The following CHRNA3 variants were observed in gnomAD, a reference collection of about 807,000 sequenced individuals.
CHRNA3 encodes cholinergic receptor nicotinic alpha 3 subunit.
Under a neutral mutation model 41.9 loss-of-function variants are expected in CHRNA3, and 34 were observed. The ratio of observed to expected loss-of-function variants is 0.81; its 90% CI spans 0.62 to 1.08. The LOEUF is 1.08. CHRNA3 is among the 50% of genes least tolerant of loss of function. CHRNA3 has a pLI of 0.00. For synonymous variants in CHRNA3, 281 were observed against 265.2 expected, an observed-to-expected ratio of 1.06 and a Z score of -0.58; for missense variants, 542 against 638.3, an observed-to-expected ratio of 0.85 and a Z score of 1.63.
At chr15:78,616,989 A>G in intron 4 of CHRNA3, 35 bp downstream of exon 4, 1 of 1,485,372 alleles carries the variant, frequency 6.7e-7, no homozygotes, top group Non-Finnish European at 9.3e-7. Flanking sequence ...CCAGGCTGAC[A>G]GCCCTGAGAG....
At chr15:78,616,913 T>C (rs1003433075) in intron 4 of CHRNA3, 111 bp downstream of exon 4, 3 of 662,840 alleles carry the variant, frequency 4.5e-6, no homozygotes, top group African/African-American at 1.8e-5. Flanking sequence ...AACAAATGAA[T>C]GCAGCCTTCT....
At chr15:78,618,697 A>G (rs2053502708) in intron 2 of CHRNA3, 36 bp from the exon 3 acceptor site, 3 of 1,593,248 alleles carry the variant, frequency 1.9e-6, no homozygotes, top group Non-Finnish European at 2.6e-6. Context: ...GGAGAATTAC[A>G]AAACAAGACT....
intron 4 of CHRNA3, among the ~76,000 whole-genome samples, chr15:78,613,283 C>T (rs545950111): frequency 3.9e-4 from 60 of 152,126 alleles, no homozygotes; most frequent in Non-Finnish European, 5.0e-4. Flanking sequence ...ATGTTTATTG[C>T]GGCATTATTC....
chr15:78,596,079 A>G lies in CHRNA3; in HGVS notation c.*525T>C. ...TCATGGTATAATTTAGAAGTATGCAAGAGAAGTAGTTGAAGCTCTCTGAAA... is the reference window on the plus strand; with the variant it reads ...TCATGGTATAATTTAGAAGTATGCAGGAGAAGTAGTTGAAGCTCTCTGAAA... On this transcript the variant is annotated 3_prime_UTR_variant, in exon 6 of 6. Transcript: ENST00000326828. 1.0e-6 allele frequency: 1 copy of G among 984,932 alleles called. No individual in the cohort carries two copies. The highest frequency in any genetic ancestry group is 1.2e-6 in the Non-Finnish European group (1 of 829,444). 61.0% of individuals were successfully genotyped at this position (984,932 alleles called of 1,614,324 possible).
chr15:78,596,903 A>AG (rs1567071191), intron 5 of CHRNA3, among the ~76,000 whole-genome samples, 171 bp from the exon 6 acceptor site: 1 of 152,188 alleles, frequency 6.6e-6, no homozygotes, highest in African/African-American at 2.4e-5. Flanking sequence ...ACCATTCTCA[A>AG]GTTTCTGTTT....
chr15:78,615,119 G>A (rs1461513970), intron 4 of CHRNA3, among the ~76,000 whole-genome samples: 14 of 152,140 alleles, frequency 9.2e-5, no homozygotes, highest in Non-Finnish European at 1.5e-4. Context: ...TCTCAACTAC[G>A]ACCTGGATGC....
rs780385627 is a variant in CHRNA3, at chr15:78,602,061, G to C, written c.581C>G (p.Ser194Cys). The change falls in exon 5 of 6, where the codon TCT becomes TGT. Residue 194 changes from serine (S) to cysteine (C), a missense_variant. Ser to Cys is a moderately radical substitution (Grantham distance 112, BLOSUM62 -1). Transcript: ENST00000326828. ...CCAATAGTCCTTGAGGTTCATGGAA[G>C]AGCCGATCAGGACCAGATCGATTTT... The part of the protein sequence containing the change: ...KAKIDLVLIG[S>C]SMNLKDYWES... 1.2e-6 allele frequency: 2 copies of C among 1,614,194 alleles called. No individual in the cohort carries two copies. Among genetic ancestry groups the C allele is most frequent in the Admixed American group, 1.7e-5 (1 of 60,026 alleles).
chr15:78,601,661 G>A lies in CHRNA3; in HGVS notation c.981C>T (p.Asn327=), dbSNP rs199707181. The change falls in exon 5 of 6, where the codon AAC becomes AAT. Residue 327 remains asparagine, a synonymous_variant. Coordinates refer to ENST00000326828, the MANE Select transcript of CHRNA3 (RefSeq NM_000743.5). ...GTGTCGTCGGGGTTCTGTAGTGCACGTTGAGCACGAAGACGGTGATGACGA... is the reference window on the plus strand; with the variant it reads ...GTGTCGTCGGGGTTCTGTAGTGCACATTGAGCACGAAGACGGTGATGACGA... ...LSIVITVFVL[N]VHYRTPTTHT... 1.4e-5 allele frequency: 23 copies of A among 1,614,056 alleles called. No individual in the cohort carries two copies. The highest frequency in any genetic ancestry group is 1.6e-4 in the Middle Eastern group (1 of 6,084).
At chr15:78,619,828 C>T (rs1203116956) in intron 1 of CHRNA3, 1 of 152,184 alleles carries the variant, frequency 6.6e-6, no homozygotes, top group South Asian at 2.1e-4. Context: ...ATCCAACTTC[C>T]TCAGGTCTTG....
At chr15:78,599,465 G>A (rs902291307) in intron 5 of CHRNA3, among the ~76,000 whole-genome samples, 1 of 151,784 alleles carries the variant, frequency 6.6e-6, no homozygotes, top group Non-Finnish European at 1.5e-5. Flanking sequence ...GAGGGGCTTG[G>A]TGGAGGGGAG....
rs2053091084 is a variant in CHRNA3 at position 78,595,515 on chromosome 15, G to C, written c.*1089C>G. 1 of 533,246 alleles carries C rather than the reference G, an allele frequency of 1.9e-6. No individual in the cohort carries two copies. The highest frequency in any genetic ancestry group is 2.1e-5 in the African/African-American group (1 of 48,182). The allele number at this position is 533,246 out of a possible 1,614,324, so 33.0% of individuals were successfully genotyped here. On this transcript the variant is annotated 3_prime_UTR_variant, in exon 6 of 6. Coordinates refer to ENST00000326828, the MANE Select transcript of CHRNA3 (RefSeq NM_000743.5). ...AACATTTAACAATGGAGACATTCTTGGTTATCATAACTGGTGAAGAAGCAA... is the reference window on the plus strand; with the variant it reads ...AACATTTAACAATGGAGACATTCTTCGTTATCATAACTGGTGAAGAAGCAA...
At chr15:78,615,346 G>C (rs1191737842) in intron 4 of CHRNA3, among the ~76,000 whole-genome samples, 3 of 152,212 alleles carry the variant, frequency 2.0e-5, no homozygotes, top group Non-Finnish European at 4.4e-5. Context: ...TGGGGACACA[G>C]GCAGAGACAG....
In CHRNA3 at chr15:78,596,668, A is replaced by G; in HGVS notation, c.1454T>C (p.Leu485Pro). The part of the protein sequence containing the change: ...IDRIFLWVFT[L>P]VCILGTAGLF... ...TCCTGCTGTCCCTAGAATGCACACC[A>G]GGGTGAAAACCCACAGAAAAATACG... is the stretch of plus-strand genomic sequence containing the variant. The change falls in exon 6 of 6, where the codon CTG (leucine) becomes CCG (proline). Residue 485 changes from leucine (L) to proline (P), a missense_variant. Physicochemically the swap from Leu to Pro is moderately conservative, Grantham distance 98. Transcript: ENST00000326828. 1 of 1,613,432 alleles carries G rather than the reference A, an allele frequency of 6.2e-7. No homozygotes were observed. The highest frequency in any genetic ancestry group is 2.2e-5 in the East Asian group (1 of 44,850).
chr15:78,600,969 A>G (rs1023241471), intron 5 of CHRNA3, among the ~76,000 whole-genome samples: 2 of 152,092 alleles, frequency 1.3e-5, no homozygotes, highest in African/African-American at 2.4e-5. Flanking sequence ...AATCTAGTCT[A>G]TTGGCATCAG....
Position 78,601,610 on chromosome 15 carries a change from A to G in CHRNA3, c.1032T>C (p.Thr344=), listed in dbSNP as rs1242820225. ...CCCTGGGGAGCAGGTTCAAGAATAC[A>G]GTCTTCACCCATGAGGGCATTGTGT... is the stretch of plus-strand genomic sequence containing the variant. The part of the protein sequence containing the change: ...TTHTMPSWVK[T]VFLNLLPRVM... The change falls in exon 5 of 6, where the codon ACT becomes ACC. Residue 344 remains threonine, a synonymous_variant. Transcript: ENST00000326828. 2 of 1,614,174 alleles carry G rather than the reference A, an allele frequency of 1.2e-6. No individual in the cohort carries two copies. The highest frequency in any genetic ancestry group is 1.7e-5 in the Admixed American group (1 of 60,020).
chr15:78,602,381 A>G (rs986989522), intron 4 of CHRNA3, 117 bp from the exon 5 acceptor site: 8 of 1,171,736 alleles, frequency 6.8e-6, no homozygotes, highest in East Asian at 5.1e-5. Context: ...GGAAGATGAG[A>G]GCTAAAGTGC....
intron 4 of CHRNA3, among the ~76,000 whole-genome samples, chr15:78,603,716 G>C (rs953830370): frequency 6.6e-6 from 1 of 152,046 alleles, no homozygotes; most frequent in Non-Finnish European, 1.5e-5. Context: ...GGTTGAGCAG[G>C]ATCATTACCC....
rs1213012244 is a variant in CHRNA3, at chr15:78,620,775, G to A, written c.20C>T (p.Ser7Leu). Residue 7 changes from serine to leucine, a missense_variant, in exon 1 of 6, where the codon TCG becomes TTG. By Grantham distance (145) the Ser-to-Leu change is moderately radical. Coordinates refer to ENST00000326828, the MANE Select transcript of CHRNA3 (RefSeq NM_000743.5). Reference sequence around the variant, plus strand: ...CGGCGGCGACAGCGCCAGGGGCAGCGAGAGCGGGCCAGAGCCCATGGCTGG... The same window carrying A: ...CGGCGGCGACAGCGCCAGGGGCAGCAAGAGCGGGCCAGAGCCCATGGCTGG... Reference protein sequence around the residue: MGSGPLSLPLALSPPRL... With the variant: MGSGPLLLPLALSPPRL... The A allele has an allele frequency of 2.7e-6, 4 of 1,495,978 alleles. No individual in the cohort carries two copies. The highest frequency in any genetic ancestry group is 2.7e-6 in the Non-Finnish European group (3 of 1,129,472). 92.7% of individuals were successfully genotyped at this position (1,495,978 alleles called of 1,614,324 possible).
intron 1 of CHRNA3, 197 bp from the exon 2 acceptor site, chr15:78,619,112 T>C (rs1397894112): frequency 8.0e-6 from 5 of 622,816 alleles, no homozygotes; most frequent in South Asian, 2.0e-5. Flanking sequence ...GGATTCTACC[T>C]GGCCACACGC....
Sources: gnomAD v4.1 joint callset for allele counts (sites outside exome capture counted in the v4.1 genomes callset) on GRCh38, gnomAD v4.1.1 for gene constraint, MANE v1.5 for transcripts, NCBI Gene and HGNC (gene_info 2026-07-23, HGNC 2026-07-21) for gene names.